The following STK32A variants were observed in gnomAD, a reference collection of about 807,000 sequenced individuals.
The protein encoded by STK32A is serine/threonine-protein kinase 32A.
Under a neutral mutation model 53.2 loss-of-function variants are expected in STK32A, and 41 were observed. The ratio of observed to expected loss-of-function variants is 0.77; its 90% CI spans 0.60 to 1.00. The LOEUF (loss-of-function observed/expected upper bound fraction) is 1.00. Among genes scored for constraint, STK32A ranks in the 50% least tolerant of loss-of-function variants. The pLI is 0.00. For missense variants in STK32A, 458 were observed against 485.8 expected, an observed-to-expected ratio of 0.94 and a Z score of 0.54; for synonymous variants, 166 against 162.8, an observed-to-expected ratio of 1.02 and a Z score of -0.15.
At chr5:147,391,345 C>T (rs563565974), downstream of STK32A, 1 of 152,762 alleles carries the variant, frequency 6.5e-6, no homozygotes, top group South Asian at 2.1e-4. Flanking sequence ...AGAAATAGCT[C>T]TACTACGGGT....
chr5:147,369,720 G>C (rs1461724751), intron 8 of STK32A, among the ~76,000 whole-genome samples: 2 of 152,070 alleles, frequency 1.3e-5, no homozygotes, highest in Non-Finnish European at 2.9e-5. Flanking sequence ...TCTTAAAAGG[G>C]CCAGGCATGT....
At position 147,372,269 on chromosome 5, in the gene STK32A, C is replaced by CTTTTTTTTT. The variant is rs71274369; in HGVS notation, c.778-878_778-870dup. Among the ~76,000 whole-genome samples, 57 of 49,352 alleles carry CTTTTTTTTT rather than the reference C, an allele frequency of 1.2e-3. 5 individuals are homozygous for CTTTTTTTTT. The highest frequency in any genetic ancestry group is 4.4e-3 in the African/African-American group (54 of 12,310). 32.4% of individuals were successfully genotyped at this position (49,352 alleles called of 152,430 possible). A position where few individuals can be genotyped will look rare whatever the true frequency, so the allele number is the denominator to read the frequency against. On this transcript the variant is annotated intron_variant, in intron 9 of 12. Coordinates refer to ENST00000397936, the MANE Select transcript of STK32A (RefSeq NM_001112724.2). Reference sequence around the variant, plus strand: ...GGGGCCCAAGAGGAATGGGCTTGGCCTTTTTTTTTTTTTTTTTTTTTTTTT... The same window carrying CTTTTTTTTT: ...GGGGCCCAAGAGGAATGGGCTTGGCCTTTTTTTTTTTTTTTTTTTTTTTTTTTTTTTTTT...
intron 4 of STK32A, among the ~76,000 whole-genome samples, chr5:147,323,273 A>G (rs1322699970): frequency 6.6e-6 from 1 of 152,210 alleles, no homozygotes; most frequent in Non-Finnish European, 1.5e-5. Flanking sequence ...AGTTATTACT[A>G]TGATCACCAT....
intron 4 of STK32A, among the ~76,000 whole-genome samples, chr5:147,321,724 A>T (rs1197454241): frequency 6.6e-6 from 1 of 152,200 alleles, no homozygotes; most frequent in Non-Finnish European, 1.5e-5. Context: ...AGAAGAGTCC[A>T]CTTGACTGTT....
chr5:147,272,535 A>G (rs1755083928), intron 2 of STK32A, among the ~76,000 whole-genome samples: 1 of 152,244 alleles, frequency 6.6e-6, no homozygotes, highest in Non-Finnish European at 1.5e-5. Flanking sequence ...AAAGGGTTTA[A>G]CAATGTATGC....
At chr5:147,299,799 T>C (rs1753043055) in intron 4 of STK32A, among the ~76,000 whole-genome samples, 1 of 152,182 alleles carries the variant, frequency 6.6e-6, no homozygotes, top group Admixed American at 6.5e-5. Context: ...TACGTTAAAG[T>C]AACGTAAGCT....
chr5:147,258,670 A>T (rs1350691222), intron 2 of STK32A, among the ~76,000 whole-genome samples: 1 of 128,216 alleles, frequency 7.8e-6, no homozygotes, highest in Non-Finnish European at 1.6e-5. Flanking sequence ...TTCTTTTTAC[A>T]TAAATTCTCC....
At chr5:147,332,103 G>T (rs1342625849) in intron 5 of STK32A, among the ~76,000 whole-genome samples, 2 of 152,156 alleles carry the variant, frequency 1.3e-5, no homozygotes, top group Non-Finnish European at 2.9e-5. Context: ...TGCTTCTCTA[G>T]TAGGTGCTAC....
At chr5:147,243,122 TA>T (rs1332863559) in intron 2 of STK32A, among the ~76,000 whole-genome samples, 1 of 53,284 alleles carries the variant, frequency 1.9e-5, no homozygotes, top group African/African-American at 6.8e-5. Context: ...TTAAAATTTT[TA>T]AAAAGATTTT....
chr5:147,321,894 C>A (rs1754339379), intron 4 of STK32A, among the ~76,000 whole-genome samples: 1 of 152,054 alleles, frequency 6.6e-6, no homozygotes, highest in Admixed American at 6.6e-5. Context: ...GGTACCAAAC[C>A]CTCACACACC....
chr5:147,352,626 T>G (rs918412388), intron 7 of STK32A, among the ~76,000 whole-genome samples: 1 of 152,180 alleles, frequency 6.6e-6, no homozygotes, highest in Admixed American at 6.5e-5. Context: ...GTGAGTCAGA[T>G]CTCAAGAGAA....
chr5:147,363,507 C>CAA (rs1395929227), intron 8 of STK32A, among the ~76,000 whole-genome samples: 3 of 152,178 alleles, frequency 2.0e-5, no homozygotes, highest in African/African-American at 7.2e-5. Flanking sequence ...CAAGCCAGTG[C>CAA]ACTCTGGACC....
At chr5:147,370,442 G>A (rs1290335289) in intron 8 of STK32A, among the ~76,000 whole-genome samples, 3 of 152,154 alleles carry the variant, frequency 2.0e-5, no homozygotes, top group South Asian at 2.1e-4. Flanking sequence ...TTTTAGAAGC[G>A]ACCATAAATT....
chr5:147,247,036 A>G (rs1753791921), intron 2 of STK32A, among the ~76,000 whole-genome samples: 1 of 152,240 alleles, frequency 6.6e-6, no homozygotes, highest in Admixed American at 6.5e-5. Context: ...TTTTTATACT[A>G]TCCAAAGCTA....
chr5:147,279,429 G>C, intron 4 of STK32A, 31 bp downstream of exon 4: 1 of 1,546,472 alleles, frequency 6.5e-7, no homozygotes. Flanking sequence ...TCTGAATAGA[G>C]ACACTCCTGT....
the STK32A span, chr5:147,397,829 ATGT>A: frequency 6.2e-7 from 1 of 1,609,684 alleles, no homozygotes; most frequent in Non-Finnish European, 8.5e-7. Context: ...CCCTTCAAAG[ATGT>A]TGTACTCTGC....
chr5:147,395,711 A>T, the STK32A span: 2 of 1,613,754 alleles, frequency 1.2e-6, no homozygotes, highest in Non-Finnish European at 1.7e-6. Context: ...GACGGCATGC[A>T]GGTCTGCCAT....
intron 4 of STK32A, among the ~76,000 whole-genome samples, chr5:147,306,186 G>A (rs1247618215): frequency 6.6e-6 from 1 of 151,760 alleles, no homozygotes; most frequent in Non-Finnish European, 1.5e-5. Context: ...GTTTTAATTT[G>A]CATTTTTCTG....
At chr5:147,286,114 A>G (rs1752322167) in intron 4 of STK32A, among the ~76,000 whole-genome samples, 1 of 152,172 alleles carries the variant, frequency 6.6e-6, no homozygotes, top group Non-Finnish European at 1.5e-5. Context: ...ATGAACTAAC[A>G]GCATTTGCAG....
Sources: allele counts gnomAD v4.1 joint callset (sites outside exome capture counted in the v4.1 genomes callset), GRCh38; gene constraint gnomAD v4.1.1; transcripts MANE v1.5; gene names NCBI Gene and HGNC (gene_info 2026-07-23, HGNC 2026-07-21).